The following SYNE2 variants were observed in gnomAD, a reference collection of about 807,000 sequenced individuals.
The protein encoded by SYNE2 is nesprin-2.
In SYNE2, 431 loss-of-function variants were observed where a neutral mutation model predicts 856.3. That is an observed-to-expected ratio of 0.50 (90% CI 0.47 to 0.55). SYNE2 has a LOEUF of 0.55. Among genes scored for constraint, SYNE2 ranks in the 20% least tolerant of loss-of-function variants. SYNE2 has a pLI of 0.00. For synonymous variants in SYNE2, 2,923 were observed against 2,872.3 expected (o/e 1.02, Z -0.56); for missense variants, 8,129 against 8,023.2 (o/e 1.01, Z -0.50).
At chr14:63,957,278 T>TTA (rs2096252785) in intron 8 of SYNE2, among the ~76,000 whole-genome samples, 1 of 147,446 alleles carries the variant, frequency 6.8e-6, no homozygotes, top group Admixed American at 6.8e-5. Context: ...TTTTTTTTTT[T>TTA]TTTTTTTTGA....
intron 1 of SYNE2, among the ~76,000 whole-genome samples, chr14:63,807,865 A>ATATATATATATATATATAT (rs1267385896): frequency 1.3e-4 from 13 of 97,388 alleles, no homozygotes; most frequent in South Asian, 3.4e-4. Flanking sequence ...ATATATATAT[A>ATATATATATATATATATAT]ATTTCAATAG....
chr14:64,055,990 C>T lies in SYNE2; in HGVS notation c.9791C>T (p.Ala3264Val). 1 of 1,613,990 alleles carries T rather than the reference C, an allele frequency of 6.2e-7. No individual in the cohort carries two copies. The highest frequency in any genetic ancestry group is 1.1e-5 in the South Asian group (1 of 91,068). ...GAAAATCTAACACGCTATAAAGAAG[C>T]AGTCACCAGGGCAGTGGAGAGCATC... ...AYENLTRYKE[A>V]VTRAVESITS... Residue 3264 changes from alanine to valine, a missense_variant, in exon 49 of 116, where the codon GCA (alanine) becomes GTA (valine). Around this residue, in one of 3 missense-constraint regions of SYNE2, gnomAD observed 5,410 missense variants for 5,284.8 expected, o/e 1.02. Coordinates refer to ENST00000555002, the MANE Select transcript of SYNE2 (RefSeq NM_182914.3).
At chr14:64,021,226 T>C in intron 35 of SYNE2, 89 bp from the exon 36 acceptor site, 1 of 985,928 alleles carries the variant, frequency 1.0e-6, no homozygotes, top group Non-Finnish European at 1.6e-6. Context: ...TGAAATGAAG[T>C]AATCTCAACC....
intron 2 of SYNE2, 40 bp from the exon 3 acceptor site, chr14:63,940,574 G>A (rs1205590630): frequency 6.2e-7 from 1 of 1,601,258 alleles, no homozygotes; most frequent in Non-Finnish European, 8.6e-7. Context: ...GGTTTCTGAG[G>A]CTTCTGGTTT....
chr14:64,042,206 GA>G (rs1224877997), intron 45 of SYNE2, among the ~76,000 whole-genome samples: 1 of 151,904 alleles, frequency 6.6e-6, no homozygotes, highest in Non-Finnish European at 1.5e-5. Context: ...CTGCTGAGTG[GA>G]AAAAAACAAG....
chr14:63,908,918 G>C (rs2095440118), intron 1 of SYNE2, among the ~76,000 whole-genome samples, 180 bp from the exon 2 acceptor site: 1 of 152,152 alleles, frequency 6.6e-6, no homozygotes, highest in South Asian at 2.1e-4. Flanking sequence ...GCAAAATCTT[G>C]ATTATGATTC....
intron 96 of SYNE2, among the ~76,000 whole-genome samples, chr14:64,184,175 C>G (rs1045220523): frequency 6.6e-6 from 1 of 152,178 alleles, no homozygotes; most frequent in Non-Finnish European, 1.5e-5. Flanking sequence ...AAATTGCTTT[C>G]CTTTCAGCCG....
chr14:64,176,185 A>C (rs2098434909), intron 95 of SYNE2, among the ~76,000 whole-genome samples: 1 of 152,216 alleles, frequency 6.6e-6, no homozygotes, highest in Admixed American at 6.5e-5. Context: ...TCAGGAAAGA[A>C]GTTTATCCTA....
At chr14:64,117,301 C>A (rs2097860023) in intron 66 of SYNE2, among the ~76,000 whole-genome samples, 1 of 151,978 alleles carries the variant, frequency 6.6e-6, no homozygotes, top group African/African-American at 2.4e-5. Context: ...TAATTAATTT[C>A]TTTATTTATA....
intron 103 of SYNE2, 25 bp downstream of exon 103, chr14:64,210,149 G>T: frequency 6.2e-7 from 1 of 1,610,984 alleles, no homozygotes; most frequent in Non-Finnish European, 8.5e-7. Context: ...ACCTGGCTCG[G>T]GTGTAGATTT....
chr14:63,858,318 C>G (rs1482518728), intron 1 of SYNE2, among the ~76,000 whole-genome samples: 3 of 108,822 alleles, frequency 2.8e-5, no homozygotes, highest in Middle Eastern at 0.01. Context: ...GACAGGGTTT[C>G]ACTGTGTTGG....
chr14:63,964,290 A>C (rs2096361050), intron 10 of SYNE2, among the ~76,000 whole-genome samples: 1 of 152,150 alleles, frequency 6.6e-6, no homozygotes, highest in Non-Finnish European at 1.5e-5. Flanking sequence ...GAGTACTTTG[A>C]GCAGCATGGT....
intron 53 of SYNE2, chr14:64,075,647 A>G (rs1012159058): frequency 6.8e-5 from 23 of 338,582 alleles, no homozygotes; most frequent in South Asian, 2.5e-4. Context: ...CAGGACTGCA[A>G]TGGAGATACA....
At chr14:63,830,866 A>C (rs1457877736) in intron 1 of SYNE2, among the ~76,000 whole-genome samples, 2 of 110,082 alleles carry the variant, frequency 1.8e-5, no homozygotes, top group South Asian at 3.1e-4. Flanking sequence ...TTTTTGTGAG[A>C]GTCTCATTCT....
At chr14:64,162,524 C>A (rs1368553000) in intron 88 of SYNE2, 4 of 536,252 alleles carry the variant, frequency 7.5e-6, no homozygotes, top group Non-Finnish European at 1.4e-5. Context: ...TGCTTTCTCT[C>A]TAGTGTTACA....
intron 66 of SYNE2, among the ~76,000 whole-genome samples, chr14:64,116,614 C>T (rs1736266452): frequency 6.6e-6 from 1 of 152,126 alleles, no homozygotes; most frequent in South Asian, 2.1e-4. Flanking sequence ...AACGGTTTCC[C>T]CATGTTGGCC....
Position 63,941,831 on chromosome 14 carries a change from T to G in SYNE2, c.237+41T>G, listed in dbSNP as rs1194108189. 7.4e-6 allele frequency: 12 copies of G among 1,611,260 alleles called. No homozygotes were observed. The South Asian group carries it at 1.3e-4, about 18-fold the overall frequency. Reference sequence around the variant, plus strand: ...GACACTGAGAAACTTTCTGTTGACTTAAAAAATATGTATTTCATTTTTTCT... The same window carrying G: ...GACACTGAGAAACTTTCTGTTGACTGAAAAAATATGTATTTCATTTTTTCT... On this transcript the variant is annotated intron_variant, in intron 4 of 115. Transcript: ENST00000555002.
At chr14:63,948,734 G>GTA (rs1555393546) in intron 6 of SYNE2, among the ~76,000 whole-genome samples, 1 of 57,496 alleles carries the variant, frequency 1.7e-5, no homozygotes, top group African/African-American at 6.3e-5. Flanking sequence ...ATATATATGT[G>GTA]TATAGATATG....
intron 46 of SYNE2, 58 bp from the exon 47 acceptor site, chr14:64,049,553 T>A: frequency 6.4e-7 from 1 of 1,570,574 alleles, no homozygotes; most frequent in Non-Finnish European, 8.7e-7. Context: ...AGAAGATGAA[T>A]GAATTAATGC....
Sources: gnomAD v4.1 joint callset for allele counts (sites outside exome capture counted in the v4.1 genomes callset) on GRCh38, gnomAD v4.1.1 for gene constraint, gnomAD v4.1.1 regional missense constraint, MANE v1.5 for transcripts, NCBI Gene and HGNC (gene_info 2026-07-23, HGNC 2026-07-21) for gene names.